The following PPP6R3 variants were observed in gnomAD, a reference collection of about 807,000 sequenced individuals.
The protein encoded by PPP6R3 is serine/threonine-protein phosphatase 6 regulatory subunit 3.
PPP6R3 carries 38 observed loss-of-function variants against 110.7 expected under a neutral mutation model. The ratio of observed to expected loss-of-function variants is 0.34; its 90% confidence interval spans 0.26 to 0.45. The LOEUF (loss-of-function observed/expected upper bound fraction) is 0.45, where lower values mean the gene tolerates loss of function less well. Among genes scored for constraint, PPP6R3 ranks in the 20% least tolerant of loss-of-function variants. The pLI is 1.00. For synonymous variants in PPP6R3, 369 were observed against 373.5 expected (o/e 0.99, Z 0.14); for missense variants, 870 against 1,062.4 (o/e 0.82, Z 2.52).
At chr11:68,469,358 T>G (rs2098772627) in intron 1 of PPP6R3, among the ~76,000 whole-genome samples, 1 of 152,000 alleles carries the variant, frequency 6.6e-6, no homozygotes, top group Non-Finnish European at 1.5e-5. Context: ...TAATCTGGAG[T>G]GCAGTGGTGT....
chr11:68,564,043 A>T (rs2099443673), intron 8 of PPP6R3, among the ~76,000 whole-genome samples: 1 of 152,094 alleles, frequency 6.6e-6, no homozygotes, highest in African/African-American at 2.4e-5. Flanking sequence ...ATAGTTATGA[A>T]GACTTAGAAG....
intron 11 of PPP6R3, 77 bp downstream of exon 11, chr11:68,569,974 G>C: frequency 1.5e-6 from 2 of 1,356,984 alleles, no homozygotes; most frequent in Non-Finnish European, 2.0e-6. Flanking sequence ...GATGTGAATT[G>C]AGGTTTAAAG....
intron 1 of PPP6R3, among the ~76,000 whole-genome samples, chr11:68,469,249 G>A (rs1273663570): frequency 2.0e-5 from 3 of 152,214 alleles, no homozygotes; most frequent in Admixed American, 1.3e-4. Flanking sequence ...CAGAGAGTTG[G>A]ATTTGGCCTG....
At chr11:68,547,742 C>T (rs2099354978) in intron 4 of PPP6R3, among the ~76,000 whole-genome samples, 1 of 152,128 alleles carries the variant, frequency 6.6e-6, no homozygotes, top group Non-Finnish European at 1.5e-5. Context: ...ATGGTATATT[C>T]TCTTGCTCTT....
intron 14 of PPP6R3, among the ~76,000 whole-genome samples, chr11:68,580,166 G>C (rs891990860): frequency 2.4e-4 from 37 of 152,166 alleles, no homozygotes; most frequent in African/African-American, 8.9e-4. Context: ...CCTAGTGTGT[G>C]CAGGGACTTG....
chr11:68,600,992 T>A (rs1247313744), intron 20 of PPP6R3, among the ~76,000 whole-genome samples: 1 of 152,204 alleles, frequency 6.6e-6, no homozygotes, highest in Non-Finnish European at 1.5e-5. Context: ...CAATCATTGG[T>A]AACTCGGAAG....
At chr11:68,564,780 CAG>C (rs1427476124) in intron 9 of PPP6R3, among the ~76,000 whole-genome samples, 1 of 152,172 alleles carries the variant, frequency 6.6e-6, no homozygotes, top group East Asian at 1.9e-4. Context: ...TTTTCTTACT[CAG>C]AGTTGGAGCA....
intron 8 of PPP6R3, among the ~76,000 whole-genome samples, chr11:68,563,190 C>A (rs1264865227): frequency 6.6e-6 from 1 of 151,930 alleles, no homozygotes; most frequent in Non-Finnish European, 1.5e-5. Context: ...CACTTGAGCC[C>A]AGGAAACAAC....
intron 22 of PPP6R3, chr11:68,609,338 G>A (rs1017825471): frequency 4.5e-5 from 28 of 623,224 alleles, no homozygotes; most frequent in East Asian, 1.1e-4. Flanking sequence ...CGTGAAATCC[G>A]ATGCAGTCAA....
chr11:68,584,409 G>C (rs1274858574), intron 15 of PPP6R3, among the ~76,000 whole-genome samples: 6 of 152,188 alleles, frequency 3.9e-5, no homozygotes, highest in African/African-American at 1.4e-4. Flanking sequence ...AGTCCACCCA[G>C]TTGGCCATGA....
chr11:68,478,426 GTA>G (rs1456682833), intron 1 of PPP6R3, among the ~76,000 whole-genome samples: 1 of 152,020 alleles, frequency 6.6e-6, no homozygotes, highest in Non-Finnish European at 1.5e-5. Flanking sequence ...TCCCACTAAA[GTA>G]TATATATAGG....
intron 16 of PPP6R3, among the ~76,000 whole-genome samples, chr11:68,589,815 G>A (rs114074210): frequency 0.014 from 2,075 of 152,342 alleles, 57 homozygotes; most frequent in African/African-American, 0.047. Context: ...TAAACATGCC[G>A]TATGGGCACA....
chr11:68,558,418 T>C, intron 7 of PPP6R3, 148 bp from the exon 8 acceptor site: 1 of 499,830 alleles, frequency 2.0e-6, no homozygotes, highest in Non-Finnish European at 3.5e-6. Context: ...ATTGCCTACT[T>C]TAATAAGTAT....
At chr11:68,532,065 T>C (rs1202943627) in intron 2 of PPP6R3, among the ~76,000 whole-genome samples, 1 of 152,254 alleles carries the variant, frequency 6.6e-6, no homozygotes, top group Non-Finnish European at 1.5e-5. Flanking sequence ...ATAAATAATT[T>C]AGCCACTTTA....
At chr11:68,584,578 C>G (rs1161021417) in intron 15 of PPP6R3, among the ~76,000 whole-genome samples, 3 of 152,200 alleles carry the variant, frequency 2.0e-5, no homozygotes, top group African/African-American at 7.2e-5. Flanking sequence ...TCAATTTAGT[C>G]TAGATTTGGT....
intron 2 of PPP6R3, among the ~76,000 whole-genome samples, chr11:68,537,316 T>C (rs1024067873): frequency 2.0e-5 from 3 of 152,200 alleles, no homozygotes; most frequent in Non-Finnish European, 4.4e-5. Flanking sequence ...GCTGAAGATA[T>C]TCTGTTTTTC....
intron 1 of PPP6R3, among the ~76,000 whole-genome samples, chr11:68,487,746 G>GA (rs1220740473): frequency 6.6e-6 from 1 of 152,110 alleles, no homozygotes; most frequent in Non-Finnish European, 1.5e-5. Flanking sequence ...TGTGGTCTGA[G>GA]AGTACATTGT....
intron 1 of PPP6R3, among the ~76,000 whole-genome samples, chr11:68,470,168 A>G (rs781332531): frequency 8.5e-5 from 13 of 152,238 alleles, no homozygotes; most frequent in Non-Finnish European, 1.9e-4. Context: ...GACAGTTAAC[A>G]GATAAATGAA....
At chr11:68,496,775 C>T (rs763506491) in intron 1 of PPP6R3, among the ~76,000 whole-genome samples, 8 of 151,550 alleles carry the variant, frequency 5.3e-5, no homozygotes, top group Non-Finnish European at 1.0e-4. Flanking sequence ...TGCCTGGCCT[C>T]GCTTGCCCAT....
Sources: gnomAD v4.1 joint callset for allele counts (sites outside exome capture counted in the v4.1 genomes callset) on GRCh38, gnomAD v4.1.1 for gene constraint, MANE v1.5 for transcripts, NCBI Gene and HGNC (gene_info 2026-07-23, HGNC 2026-07-21) for gene names.